Variants in P2RY8 observed in about 807,000 individuals in gnomAD.
P2RY8 encodes S-geranylgeranyl-glutathione receptor P2RY8.
P2RY8 carries 6 observed loss-of-function variants against 10.0 expected under a neutral mutation model. The observed-to-expected ratio is 0.60, with a 90% CI of 0.33 to 1.19. The LOEUF is 1.19. Among genes scored for constraint, P2RY8 ranks in the 50% most tolerant of loss-of-function variants. The pLI, the probability that P2RY8 is intolerant of heterozygous loss-of-function variation, is 0.04. For synonymous variants in P2RY8, 276 were observed against 252.5 expected, an observed-to-expected ratio of 1.09 and a Z score of -0.88; for missense variants, 456 against 542.0, an observed-to-expected ratio of 0.84 and a Z score of 1.58.
At chrX:1,523,705 C>T (rs1252484462) in intron 1 of P2RY8, among the ~76,000 whole-genome samples, 1 of 152,022 alleles carries the variant, frequency 6.6e-6, no homozygotes, top group Non-Finnish European at 1.5e-5. Flanking sequence ...TTTCTTGAGA[C>T]GGAGCCTCCC....
At chrX:1,510,832 T>C (rs2092293349) in intron 1 of P2RY8, among the ~76,000 whole-genome samples, 2 of 151,808 alleles carry the variant, frequency 1.3e-5, no homozygotes, top group Admixed American at 1.3e-4. Flanking sequence ...TGAGCCGTGA[T>C]CGCGTCACTG....
intron 1 of P2RY8, among the ~76,000 whole-genome samples, chrX:1,490,127 G>C (rs2092029456): frequency 1.4e-5 from 2 of 143,446 alleles, no homozygotes; most frequent in Non-Finnish European, 3.0e-5. Flanking sequence ...TGCAAATGTA[G>C]AGAGAATGAA....
chrX:1,516,869 C>G (rs1171727739), intron 1 of P2RY8, among the ~76,000 whole-genome samples: 1 of 151,580 alleles, frequency 6.6e-6, no homozygotes, highest in Non-Finnish European at 1.5e-5. Context: ...CCAGCCCTGC[C>G]CGTTCGCTGA....
intron 1 of P2RY8, among the ~76,000 whole-genome samples, chrX:1,535,205 T>TTTTTGG (rs2092514969): frequency 6.9e-6 from 1 of 144,960 alleles, no homozygotes; most frequent in African/African-American, 2.6e-5. Context: ...TTTTTTTTTT[T>TTTTTGG]GAGACAGAGT....
intron 1 of P2RY8, among the ~76,000 whole-genome samples, chrX:1,502,150 A>T (rs1349694212): frequency 6.6e-6 from 1 of 151,740 alleles, no homozygotes; most frequent in African/African-American, 2.4e-5. Context: ...ACCTCAGGTG[A>T]TCCACCCACC....
chrX:1,505,145 A>G, intron 1 of P2RY8, among the ~76,000 whole-genome samples: 1 of 151,284 alleles, frequency 6.6e-6, no homozygotes, highest in East Asian at 1.9e-4. Flanking sequence ...CTCAAAAAAA[A>G]AAAAAAAAGG....
intron 1 of P2RY8, among the ~76,000 whole-genome samples, chrX:1,509,099 G>GTATCTATCTATGTATCTATCTATC (rs2092266848): frequency 1.4e-5 from 2 of 138,394 alleles, no homozygotes; most frequent in African/African-American, 5.2e-5. Flanking sequence ...ATGTATCTAT[G>GTATCTATCTATGTATCTATCTATC]TATCTATCTA....
intron 1 of P2RY8, among the ~76,000 whole-genome samples, chrX:1,507,968 G>A (rs2092250744): frequency 6.6e-6 from 1 of 151,952 alleles, no homozygotes; most frequent in African/African-American, 2.4e-5. Flanking sequence ...GACCCACACC[G>A]CCATCCCTCA....
intron 1 of P2RY8, among the ~76,000 whole-genome samples, chrX:1,521,029 CTTTTCTTTTTTTT>C (rs1259344566): frequency 3.6e-5 from 3 of 83,870 alleles, no homozygotes; most frequent in Admixed American, 1.7e-4. Context: ...TCTGATTTTT[CTTTTCTTTTTTTT>C]TTTTTTTTTT....
chrX:1,526,172 T>G (rs755148489), intron 1 of P2RY8, among the ~76,000 whole-genome samples: 1 of 151,176 alleles, frequency 6.6e-6, no homozygotes. Flanking sequence ...CATTCATTCA[T>G]CCACTCATTC....
chrX:1,506,345 A>C (rs1485577863), intron 1 of P2RY8, among the ~76,000 whole-genome samples: 1 of 152,096 alleles, frequency 6.6e-6, no homozygotes, highest in African/African-American at 2.4e-5. Flanking sequence ...TTCTAAGATG[A>C]GCCAGGAGGC....
chrX:1,506,955 C>T (rs1256442749), intron 1 of P2RY8, among the ~76,000 whole-genome samples: 4 of 90,506 alleles, frequency 4.4e-5, no homozygotes, highest in Non-Finnish European at 1.0e-4. Flanking sequence ...GGATGACAGG[C>T]GTGAGCCACC....
intron 1 of P2RY8, among the ~76,000 whole-genome samples, chrX:1,474,507 G>T (rs1344097040): frequency 8.4e-6 from 1 of 119,726 alleles, no homozygotes; most frequent in Non-Finnish European, 1.9e-5. Context: ...TAGATGGATG[G>T]GTAGATGGAT....
At chrX:1,530,031 T>C (rs1381351285) in intron 1 of P2RY8, among the ~76,000 whole-genome samples, 1 of 151,996 alleles carries the variant, frequency 6.6e-6, no homozygotes, top group Non-Finnish European at 1.5e-5. Flanking sequence ...AGTGTTGACG[T>C]GGAAAGATCC....
chrX:1,477,921 C>G (rs1159155312), intron 1 of P2RY8, among the ~76,000 whole-genome samples: 4 of 152,164 alleles, frequency 2.6e-5, no homozygotes, highest in African/African-American at 9.7e-5. Flanking sequence ...GTGGTCTCAT[C>G]ATGGTTAGTG....
intron 1 of P2RY8, among the ~76,000 whole-genome samples, chrX:1,508,704 T>TCTATCTA (rs1201683452): frequency 8.9e-6 from 1 of 111,974 alleles, no homozygotes. Flanking sequence ...CATCCATCCA[T>TCTATCTA]TCTATCTATC....
At chrX:1,472,412 A>T (rs1351715216) in intron 1 of P2RY8, among the ~76,000 whole-genome samples, 11 of 138,834 alleles carry the variant, frequency 7.9e-5, no homozygotes, top group African/African-American at 3.0e-4. Flanking sequence ...AGATGGGTGG[A>T]TGAATGGGTA....
chrX:1,530,365 T>C (rs1256939856), intron 1 of P2RY8, among the ~76,000 whole-genome samples: 10 of 151,802 alleles, frequency 6.6e-5, no homozygotes, highest in African/African-American at 2.4e-4. Context: ...TGCTCATCTA[T>C]CTAGGTATCT....
intron 1 of P2RY8, among the ~76,000 whole-genome samples, chrX:1,507,433 G>A (rs746955594): frequency 5.3e-5 from 8 of 152,188 alleles, no homozygotes; most frequent in African/African-American, 1.9e-4. Flanking sequence ...CGGGAGACAC[G>A]CCAGGACCCC....
Sources: gnomAD v4.1 joint callset for allele counts (sites outside exome capture counted in the v4.1 genomes callset) on GRCh38, gnomAD v4.1.1 for gene constraint, MANE v1.5 for transcripts, NCBI Gene and HGNC (gene_info 2026-07-23, HGNC 2026-07-21) for gene names.